Variants in REV3L observed in about 807,000 individuals in gnomAD.
REV3L encodes DNA polymerase zeta catalytic subunit.
A neutral mutation model predicts 299.4 loss-of-function variants in REV3L; 69 were observed. The ratio of observed to expected loss-of-function variants is 0.23; its 90% confidence interval spans 0.19 to 0.28. The LOEUF (loss-of-function observed/expected upper bound fraction) is 0.28, where lower values mean the gene tolerates loss of function less well. Among genes scored for constraint, REV3L ranks in the 10% least tolerant of loss-of-function variants. REV3L has a pLI of 1.00. For missense variants in REV3L, 3,128 were observed against 3,693.8 expected (o/e 0.85, Z 3.97); for synonymous variants, 1,238 against 1,271.4 (o/e 0.97, Z 0.56).
intron 4 of REV3L, among the ~76,000 whole-genome samples, chr6:111,402,084 A>C (rs1442505090): frequency 6.6e-6 from 1 of 152,166 alleles, no homozygotes; most frequent in Non-Finnish European, 1.5e-5. Flanking sequence ...ATTGCACTCC[A>C]GTCTGGTGAC....
chr6:111,368,633 G>T (rs1779464557), intron 13 of REV3L, among the ~76,000 whole-genome samples: 1 of 152,176 alleles, frequency 6.6e-6, no homozygotes, highest in African/African-American at 2.4e-5. Flanking sequence ...CCCACAGGAT[G>T]CATGGCTTAA....
At chr6:111,332,304 C>T (rs1775479795) in intron 23 of REV3L, among the ~76,000 whole-genome samples, 1 of 152,156 alleles carries the variant, frequency 6.6e-6, no homozygotes, top group Non-Finnish European at 1.5e-5. Flanking sequence ...ATCTCCTAAC[C>T]TCATGATCTG....
Position 111,309,947 on chromosome 6 carries a change from G to C in REV3L, c.8948C>G (p.Thr2983Ser). The change falls in exon 30 of 32, where the codon ACT becomes AGT. Residue 2983 changes from threonine to serine, a missense_variant. Physicochemically the swap from Thr to Ser is moderately conservative, Grantham distance 58. Coordinates refer to ENST00000368802, the MANE Select transcript of REV3L (RefSeq NM_001372078.1). ...AAGGATTTGCTTGGTAATATAGTAA[G>C]TAGCATTCAGTCTCAGAGTTGGGTC... Reference protein sequence around the residue: ...LQDPTLRLNATYYITKQILPP... With the variant: ...LQDPTLRLNASYYITKQILPP... The C allele has an allele frequency of 6.2e-7, 1 of 1,614,070 alleles. No individual in the cohort carries two copies. Among genetic ancestry groups the C allele is most frequent in the Non-Finnish European group, 8.5e-7 (1 of 1,179,986 alleles).
At chr6:111,418,623 A>C (rs1045886859) in intron 1 of REV3L, among the ~76,000 whole-genome samples, 1 of 152,232 alleles carries the variant, frequency 6.6e-6, no homozygotes, top group Non-Finnish European at 1.5e-5. Flanking sequence ...AAGTCACATA[A>C]CTATTAAGCA....
At chr6:111,441,253 G>C (rs1309166757) in intron 1 of REV3L, among the ~76,000 whole-genome samples, 1 of 151,740 alleles carries the variant, frequency 6.6e-6, no homozygotes, top group African/African-American at 2.4e-5. Flanking sequence ...TGTTGTTGTT[G>C]TCGTCATTGT....
intron 1 of REV3L, among the ~76,000 whole-genome samples, chr6:111,444,669 A>G (rs17510506): frequency 1.3e-5 from 2 of 152,352 alleles, no homozygotes; most frequent in Non-Finnish European, 2.9e-5. Flanking sequence ...AAATTCCTAC[A>G]AACTTCTTTC....
intron 1 of REV3L, among the ~76,000 whole-genome samples, chr6:111,428,969 A>T (rs1321475451): frequency 6.6e-6 from 1 of 152,228 alleles, no homozygotes; most frequent in Non-Finnish European, 1.5e-5. Flanking sequence ...GGTCAAGGAC[A>T]AAGAAAGCAG....
At chr6:111,412,597 C>T (rs1784357204) in intron 2 of REV3L, among the ~76,000 whole-genome samples, 2 of 152,016 alleles carry the variant, frequency 1.3e-5, no homozygotes, top group Admixed American at 1.3e-4. Context: ...TCCCTTATGA[C>T]AGGCAGCAGA....
intron 1 of REV3L, among the ~76,000 whole-genome samples, chr6:111,420,629 CAG>C (rs1403590136): frequency 1.3e-5 from 2 of 152,124 alleles, no homozygotes; most frequent in Non-Finnish European, 2.9e-5. Context: ...TCAAAAATTT[CAG>C]AGTTTGAATT....
At chr6:111,408,614 A>AAACAAAACAG (rs1783900493) in intron 3 of REV3L, among the ~76,000 whole-genome samples, 1 of 150,012 alleles carries the variant, frequency 6.7e-6, no homozygotes, top group Non-Finnish European at 1.5e-5. Context: ...AAACAAAACA[A>AAACAAAACAG]AACAAAACAA....
rs1261979050 is a variant in REV3L at position 111,372,990 on chromosome 6, T to C, written c.5365A>G (p.Ser1789Gly). The change falls in exon 13 of 32, where the codon AGC becomes GGC. Residue 1789 changes from serine to glycine, a missense_variant. By Grantham distance (56) the Ser-to-Gly change is moderately conservative. Transcript: ENST00000368802. ...RSSVSKEVFL[S>G]LPQPNNSDWI... ...TCTGAATTGTTTGGCTGTGGGAGGC[T>C]AAGAAACACTTCTTTGCTTACTGAA... The C allele has an allele frequency of 1.9e-6, 3 of 1,614,044 alleles. No homozygotes were observed. The highest frequency in any genetic ancestry group is 2.5e-6 in the Non-Finnish European group (3 of 1,180,020).
intron 1 of REV3L, among the ~76,000 whole-genome samples, chr6:111,458,942 C>T (rs1157024371): frequency 6.6e-6 from 1 of 151,960 alleles, no homozygotes; most frequent in Non-Finnish European, 1.5e-5. Flanking sequence ...CTCTAAAATT[C>T]ATATGGAACC....
At chr6:111,301,388 C>T (rs906754277) in intron 31 of REV3L, among the ~76,000 whole-genome samples, 14 of 152,160 alleles carry the variant, frequency 9.2e-5, no homozygotes, top group Middle Eastern at 3.4e-3. Flanking sequence ...ACTCCCTATT[C>T]GTACACCCCT....
At chr6:111,310,164 T>C in intron 29 of REV3L, 65 bp from the exon 30 acceptor site, 1 of 1,459,034 alleles carries the variant, frequency 6.9e-7, no homozygotes, top group South Asian at 1.6e-5. Flanking sequence ...TTCTCACAAA[T>C]TAAGTCAGAA....
chr6:111,475,241 A>G (rs1165461623), intron 1 of REV3L, among the ~76,000 whole-genome samples: 2 of 152,128 alleles, frequency 1.3e-5, no homozygotes, highest in South Asian at 2.1e-4. Context: ...TATATACACC[A>G]TAATTCACCT....
chr6:111,458,511 T>C (rs1356201092), intron 1 of REV3L, among the ~76,000 whole-genome samples: 1 of 152,068 alleles, frequency 6.6e-6, no homozygotes, highest in Non-Finnish European at 1.5e-5. Context: ...TTGCTAATGG[T>C]ATGATTCTAT....
chr6:111,431,305 C>G, intron 1 of REV3L: 1 of 1,233,160 alleles, frequency 8.1e-7, no homozygotes, highest in Non-Finnish European at 1.2e-6. Flanking sequence ...GGACACCTGA[C>G]ACAGCAAAAG....
In REV3L at chr6:111,403,371, A is replaced by G. The variant is rs1476921162; in HGVS notation, c.565+2099T>C. On this transcript the variant is annotated intron_variant, in intron 4 of 31. Transcript: ENST00000368802. The stretch of plus-strand genomic sequence containing the variant: ...ATTAAATTGTGCTTTGCTTTATTGC[A>G]TTTTGCAGATATTAAAATTTTTACA... 2.6e-5 allele frequency among the ~76,000 whole-genome samples: 4 copies of G among 152,202 alleles called. No homozygotes were observed. In the East Asian group the frequency reaches 5.8e-4, roughly 22 times the overall value.
intron 18 of REV3L, among the ~76,000 whole-genome samples, chr6:111,355,059 G>A (rs530363168): frequency 2.0e-5 from 3 of 152,188 alleles, no homozygotes; most frequent in African/African-American, 4.8e-5. Context: ...GGGAGACTGC[G>A]CAAAGTGAAG....
Sources: allele counts gnomAD v4.1 joint callset (sites outside exome capture counted in the v4.1 genomes callset), GRCh38; gene constraint gnomAD v4.1.1; transcripts MANE v1.5; gene names NCBI Gene and HGNC (gene_info 2026-07-23, HGNC 2026-07-21).